PCSK6: variants seen among roughly 807,000 people sequenced by gnomAD.
PCSK6 encodes paired basic amino acid cleaving enzyme 4.
In PCSK6, 85 loss-of-function variants were observed where a neutral mutation model predicts 123.3. That is an observed-to-expected ratio of 0.69 (90% CI 0.58 to 0.83). The LOEUF (loss-of-function observed/expected upper bound fraction) is 0.83. Among genes scored for constraint, PCSK6 ranks in the 40% least tolerant of loss-of-function variants. PCSK6 has a pLI of 0.00. For synonymous variants in PCSK6, 508 were observed against 516.0 expected (o/e 0.98, Z 0.21); for missense variants, 1,191 against 1,282.3 (o/e 0.93, Z 1.09).
intron 13 of PCSK6, chr15:101,347,914 G>A (rs1011945951): frequency 7.7e-5 from 52 of 677,616 alleles, no homozygotes; most frequent in Non-Finnish European, 1.3e-4. Flanking sequence ...TTTCAAGCTG[G>A]CTGCAGCTCC....
At chr15:101,431,498 T>G (rs1224204048) in intron 3 of PCSK6, 35 bp from the exon 4 acceptor site, 2 of 1,612,600 alleles carry the variant, frequency 1.2e-6, no homozygotes, top group Non-Finnish European at 1.7e-6. Flanking sequence ...CCCCCCGACA[T>G]GGACATTCCA....
At chr15:101,399,830 C>T (rs1013406773) in intron 6 of PCSK6, among the ~76,000 whole-genome samples, 9 of 152,072 alleles carry the variant, frequency 5.9e-5, no homozygotes, top group Non-Finnish European at 1.2e-4. Flanking sequence ...ACTCAGAGGC[C>T]CCCGGGAGCC....
At chr15:101,441,827 T>C in intron 2 of PCSK6, among the ~76,000 whole-genome samples, 1 of 152,190 alleles carries the variant, frequency 6.6e-6, no homozygotes, top group East Asian at 1.9e-4. Context: ...AGTTGAAGAA[T>C]GAGGATGTTT....
At chr15:101,488,918 C>T (rs1449550577) in intron 1 of PCSK6, among the ~76,000 whole-genome samples, 3 of 149,978 alleles carry the variant, frequency 2.0e-5, no homozygotes, top group Admixed American at 2.0e-4. Flanking sequence ...GTCCGGAGCT[C>T]GCGCCGCCCG....
intron 6 of PCSK6, among the ~76,000 whole-genome samples, chr15:101,415,121 G>A (rs773383204): frequency 3.2e-4 from 49 of 152,322 alleles, no homozygotes; most frequent in Non-Finnish European, 3.7e-4. Context: ...TGTGTACAGC[G>A]AAAACGGAAA....
intron 20 of PCSK6, among the ~76,000 whole-genome samples, chr15:101,312,817 G>A (rs1342945405): frequency 6.7e-6 from 1 of 149,156 alleles, no homozygotes. Flanking sequence ...GGCGACAGGC[G>A]AGACTCCATC....
intron 1 of PCSK6, among the ~76,000 whole-genome samples, chr15:101,478,084 C>T (rs1464500694): frequency 6.6e-6 from 1 of 152,130 alleles, no homozygotes; most frequent in African/African-American, 2.4e-5. Flanking sequence ...GCTCACATGC[C>T]ACCTGCTCCT....
At position 101,331,658 on chromosome 15, in the gene PCSK6, T is replaced by C; in HGVS notation, c.2070A>G (p.Leu690=). The part of the protein sequence containing the change: ...AQSTPGSANI[L]QTSVCHPECG... ...GGTTTGAAGCATACTTACTGGTCTG[T>C]AAAATATTAGCAGAGCCTGGGGTGG... Residue 690 remains leucine (L), a synonymous_variant, in exon 15 of 22, where the codon TTA becomes TTG. Transcript: ENST00000611716. 1 of 1,613,532 alleles carries C rather than the reference T, an allele frequency of 6.2e-7. No homozygotes were observed. The highest frequency in any genetic ancestry group is 8.5e-7 in the Non-Finnish European group (1 of 1,179,610).
chr15:101,352,753 T>C (rs1183541901), intron 13 of PCSK6, among the ~76,000 whole-genome samples: 1 of 152,256 alleles, frequency 6.6e-6, no homozygotes, highest in Non-Finnish European at 1.5e-5. Flanking sequence ...TCTTTCAGAA[T>C]AGGTTTTCCT....
intron 6 of PCSK6, among the ~76,000 whole-genome samples, chr15:101,405,396 G>A (rs558687854): frequency 3.3e-4 from 50 of 152,308 alleles, no homozygotes; most frequent in African/African-American, 1.1e-3. Flanking sequence ...CTCTAAGGAC[G>A]AGTCTGTGGG....
intron 13 of PCSK6, chr15:101,347,105 G>T: frequency 8.1e-7 from 1 of 1,231,746 alleles, no homozygotes; most frequent in Non-Finnish European, 1.0e-6. Context: ...CCAAGGAAGT[G>T]GGAGTGATAC....
At chr15:101,410,974 A>G (rs2055660889) in intron 6 of PCSK6, among the ~76,000 whole-genome samples, 1 of 152,202 alleles carries the variant, frequency 6.6e-6, no homozygotes, top group Non-Finnish European at 1.5e-5. Context: ...CCACAGTGAA[A>G]AGACTCAAGA....
rs181571978 is a variant in PCSK6, at chr15:101,416,386, G to A, written c.823+11506C>T. 1.0e-3 allele frequency among the ~76,000 whole-genome samples: 159 copies of A among 152,358 alleles called. No individual in the cohort carries two copies. The Middle Eastern group carries it at 0.017, about 16-fold the overall frequency. On this transcript the variant is annotated intron_variant, in intron 6 of 21. Coordinates refer to ENST00000611716, the MANE Select transcript of PCSK6 (RefSeq NM_002570.5). ...AAAGCATTTAAAAGGTGACTTGGGT[G>A]CTGTTAAAGCCATTCTGTTTTAAAA...
At chr15:101,429,153 G>C (rs1352787307) in intron 5 of PCSK6, among the ~76,000 whole-genome samples, 1 of 152,166 alleles carries the variant, frequency 6.6e-6, no homozygotes, top group Non-Finnish European at 1.5e-5. Context: ...ACAGTGGGGA[G>C]GAAGAAAAAG....
At chr15:101,426,352 A>G (rs1002989865) in intron 6 of PCSK6, among the ~76,000 whole-genome samples, 2 of 152,212 alleles carry the variant, frequency 1.3e-5, no homozygotes, top group African/African-American at 4.8e-5. Flanking sequence ...GGACACACAG[A>G]CAGTGAGTGG....
chr15:101,400,874 C>T (rs1411798025), intron 6 of PCSK6, among the ~76,000 whole-genome samples: 1 of 152,230 alleles, frequency 6.6e-6, no homozygotes, highest in Non-Finnish European at 1.5e-5. Context: ...TCCATTCCAT[C>T]CATTCATTCT....
intron 19 of PCSK6, chr15:101,313,745 C>G (rs1245927666): frequency 8.3e-6 from 4 of 484,454 alleles, no homozygotes; most frequent in African/African-American, 7.8e-5. Context: ...TCAGAGGGAG[C>G]ACACCTGCCC....
intron 1 of PCSK6, among the ~76,000 whole-genome samples, chr15:101,482,448 G>A (rs1178611811): frequency 2.0e-5 from 3 of 152,244 alleles, no homozygotes; most frequent in African/African-American, 7.2e-5. Context: ...AGGGTGAAAG[G>A]AGGAGGAGAG....
At chr15:101,470,405 G>C (rs2057575913) in intron 1 of PCSK6, among the ~76,000 whole-genome samples, 1 of 151,982 alleles carries the variant, frequency 6.6e-6, no homozygotes, top group Non-Finnish European at 1.5e-5. Context: ...TGCTAACCAA[G>C]TCCTTACTTT....
Sources: allele counts gnomAD v4.1 joint callset (sites outside exome capture counted in the v4.1 genomes callset), GRCh38; gene constraint gnomAD v4.1.1; transcripts MANE v1.5; gene names NCBI Gene and HGNC (gene_info 2026-07-23, HGNC 2026-07-21).